Variants in PDGFC observed in about 807,000 individuals in gnomAD.
PDGFC encodes the protein platelet-derived growth factor C.
PDGFC carries 12 observed loss-of-function variants against 35.5 expected under a neutral mutation model. The ratio of observed to expected loss-of-function variants is 0.34; its 90% confidence interval spans 0.22 to 0.55. The LOEUF is 0.55. Among genes scored for constraint, PDGFC ranks in the 20% least tolerant of loss-of-function variants. The probability of loss-of-function intolerance (pLI) is 0.91; values close to 1 mark genes in which losing one functional copy is unlikely to be tolerated. For missense variants in PDGFC, 322 were observed against 412.4 expected (o/e 0.78, Z 1.90); for synonymous variants, 159 against 148.8 (o/e 1.07, Z -0.50).
In PDGFC at chr4:156,920,946, G is replaced by A. The variant is rs529196579; in HGVS notation, c.118+49840C>T. The stretch of plus-strand genomic sequence containing the variant: ...CTACATAATCAAGTAACAAAAATTT[G>A]TAACTCTGAGGAGACAGGTAGAAGT... On this transcript the variant is annotated intron_variant, in intron 1 of 5. Coordinates refer to ENST00000502773, the MANE Select transcript of PDGFC (RefSeq NM_016205.3). 7.9e-5 allele frequency among the ~76,000 whole-genome samples: 12 copies of A among 152,252 alleles called. No homozygotes were observed. The East Asian group carries it at 1.2e-3, about 15-fold the overall frequency.
rs1036298930 is a variant in PDGFC, at chr4:156,763,106, C to T, written c.1022G>A (p.Gly341Glu). 2 of 1,596,040 alleles carry T rather than the reference C, an allele frequency of 1.3e-6. No homozygotes were observed. The highest frequency in any genetic ancestry group is 1.7e-6 in the Non-Finnish European group (2 of 1,163,670). The part of the protein sequence containing the change: ...HHEECDCVCR[G>E]STGG ...GTGATGCGGCTATCCTCCTGTGCTC[C>T]CTCTGCACACACAGTCACACTCCTC... is the stretch of plus-strand genomic sequence containing the variant. Residue 341 changes from glycine to glutamate, a missense_variant, in exon 6 of 6, where the codon GGG (glycine) becomes GAG (glutamate). By Grantham distance (98) the Gly-to-Glu change is moderately conservative (BLOSUM62 -2). This residue lies in a region of PDGFC where 202 missense variants were observed against 295.9 expected (regional missense o/e 0.68). Coordinates refer to ENST00000502773, the MANE Select transcript of PDGFC (RefSeq NM_016205.3).
At chr4:156,958,399 G>T (rs1351925334) in intron 1 of PDGFC, among the ~76,000 whole-genome samples, 1 of 151,444 alleles carries the variant, frequency 6.6e-6, no homozygotes, top group South Asian at 2.1e-4. Context: ...TGTTTTTTAA[G>T]ACTGTGAAGC....
chr4:156,835,642 T>TA (rs1729045306), intron 2 of PDGFC, among the ~76,000 whole-genome samples: 1 of 152,188 alleles, frequency 6.6e-6, no homozygotes, highest in African/African-American at 2.4e-5. Context: ...CATTATATTT[T>TA]AAAAATCCTA....
At chr4:156,844,947 A>G (rs1729290322) in intron 2 of PDGFC, among the ~76,000 whole-genome samples, 1 of 152,002 alleles carries the variant, frequency 6.6e-6, no homozygotes, top group Admixed American at 6.6e-5. Flanking sequence ...ATGTAATAGG[A>G]ACATAAATAC....
At chr4:156,815,566 C>T (rs1442347818) in intron 2 of PDGFC, among the ~76,000 whole-genome samples, 2 of 152,066 alleles carry the variant, frequency 1.3e-5, no homozygotes, top group Non-Finnish European at 2.9e-5. Flanking sequence ...ATAGCCCAAA[C>T]ATCAAGAAGA....
intron 3 of PDGFC, among the ~76,000 whole-genome samples, chr4:156,790,330 T>C (rs1183675627): frequency 2.0e-5 from 3 of 152,102 alleles, no homozygotes; most frequent in Admixed American, 6.5e-5. Flanking sequence ...TGAGAGGAAG[T>C]TGAAAGAAGA....
chr4:156,952,015 T>C (rs770582561), intron 1 of PDGFC, among the ~76,000 whole-genome samples: 4 of 151,858 alleles, frequency 2.6e-5, no homozygotes, highest in Non-Finnish European at 4.4e-5. Context: ...TATTAGCTTA[T>C]TTGGGATATA....
intron 3 of PDGFC, among the ~76,000 whole-genome samples, chr4:156,789,550 T>C (rs1553964958): frequency 1.3e-5 from 2 of 152,140 alleles, no homozygotes; most frequent in Non-Finnish European, 2.9e-5. Flanking sequence ...ACACACCAAC[T>C]AGCACTCATC....
In PDGFC at chr4:156,897,488, T is replaced by A. The variant is rs1221487703; in HGVS notation, c.119-47072A>T. On this transcript the variant is annotated intron_variant, in intron 1 of 5. Transcript: ENST00000502773. ...TACACTTTCTGGCCCTGAAATCATGTGATTCTTTGCTCACATTAAACTGAC... is the reference window on the plus strand; with the variant it reads ...TACACTTTCTGGCCCTGAAATCATGAGATTCTTTGCTCACATTAAACTGAC... 4.6e-5 allele frequency among the ~76,000 whole-genome samples: 7 copies of A among 152,236 alleles called. No homozygotes were observed. The South Asian group carries it at 1.5e-3, about 32-fold the overall frequency.
chr4:156,915,191 C>A (rs1183935805), intron 1 of PDGFC, among the ~76,000 whole-genome samples: 1 of 152,154 alleles, frequency 6.6e-6, no homozygotes, highest in Non-Finnish European at 1.5e-5. Flanking sequence ...AAATCTAAAC[C>A]TTCTTCCAAC....
intron 5 of PDGFC, among the ~76,000 whole-genome samples, chr4:156,766,801 G>C (rs1730541757): frequency 6.6e-6 from 1 of 152,002 alleles, no homozygotes. Flanking sequence ...GTTGGCAATT[G>C]ATAAAGTGGG....
At chr4:156,911,040 A>G (rs1731027135) in intron 1 of PDGFC, among the ~76,000 whole-genome samples, 3 of 151,978 alleles carry the variant, frequency 2.0e-5, no homozygotes, top group Admixed American at 6.6e-5. Context: ...CAAAAGTTTT[A>G]TTTTCATGAA....
intron 2 of PDGFC, among the ~76,000 whole-genome samples, chr4:156,824,139 G>C (rs563526515): frequency 6.6e-6 from 1 of 151,830 alleles, no homozygotes; most frequent in East Asian, 1.9e-4. Context: ...TCGTTAGACT[G>C]TAGGAATAAG....
At chr4:156,813,422 A>C (rs1019099035) in intron 2 of PDGFC, among the ~76,000 whole-genome samples, 8 of 152,116 alleles carry the variant, frequency 5.3e-5, no homozygotes, top group Non-Finnish European at 1.0e-4. Flanking sequence ...GTATGTAAGA[A>C]ATACTGTGGA....
intron 1 of PDGFC, among the ~76,000 whole-genome samples, chr4:156,866,989 C>T (rs1729860113): frequency 6.6e-6 from 1 of 152,052 alleles, no homozygotes; most frequent in Admixed American, 6.6e-5. Context: ...ATGGAGAAGA[C>T]AGTTAATAAC....
At chr4:156,782,649 C>T (rs6816712) in intron 3 of PDGFC, among the ~76,000 whole-genome samples, 4,616 of 152,142 alleles carry the variant, frequency 0.03, 183 homozygotes, top group South Asian at 0.17. Flanking sequence ...TTTTACATGT[C>T]GGTCACCACA....
intron 3 of PDGFC, among the ~76,000 whole-genome samples, chr4:156,788,216 C>T (rs1731183371): frequency 6.6e-6 from 1 of 151,504 alleles, no homozygotes; most frequent in African/African-American, 2.4e-5. Context: ...GAAAAAAAAA[C>T]ACACACAGAA....
At chr4:156,774,694 A>G (rs1730780078) in intron 3 of PDGFC, among the ~76,000 whole-genome samples, 1 of 147,280 alleles carries the variant, frequency 6.8e-6, no homozygotes, top group Admixed American at 6.8e-5. Context: ...TTGAGTAACT[A>G]CAGTGTTCCA....
intron 1 of PDGFC, among the ~76,000 whole-genome samples, chr4:156,937,009 G>GT (rs751969554): frequency 2.6e-5 from 4 of 152,172 alleles, no homozygotes; most frequent in Non-Finnish European, 5.9e-5. Context: ...AATAAGATCA[G>GT]TTTTGAACAT....
Sources: allele counts gnomAD v4.1 joint callset (sites outside exome capture counted in the v4.1 genomes callset), GRCh38; gene constraint gnomAD v4.1.1; regional missense constraint gnomAD v4.1.1; transcripts MANE v1.5; gene names NCBI Gene and HGNC (gene_info 2026-07-23, HGNC 2026-07-21).